GAL3ST1: variants seen among roughly 807,000 people sequenced by gnomAD.
The protein encoded by GAL3ST1 is galactose-3-O-sulfotransferase 1, also known as galactosylceramide sulfotransferase.
GAL3ST1 carries 13 observed loss-of-function variants against 25.0 expected under a neutral mutation model. That is an observed-to-expected ratio of 0.52 (90% CI 0.34 to 0.83). The LOEUF (loss-of-function observed/expected upper bound fraction) is 0.83. Among genes scored for constraint, GAL3ST1 ranks in the 40% least tolerant of loss-of-function variants. GAL3ST1 has a pLI of 0.02. For synonymous variants in GAL3ST1, 274 were observed against 277.8 expected, an observed-to-expected ratio of 0.99 and a Z score of 0.14; for missense variants, 474 against 613.6, an observed-to-expected ratio of 0.77 and a Z score of 2.40.
chr22:30,555,568 G>C lies in GAL3ST1; in HGVS notation c.657C>G (p.Phe219Leu). 1 of 1,613,646 alleles carries C rather than the reference G, an allele frequency of 6.2e-7. No homozygotes were observed. The highest frequency in any genetic ancestry group is 1.3e-5 in the African/African-American group (1 of 75,078). Residue 219 changes from phenylalanine to leucine, a missense_variant, in exon 4 of 4, where the codon TTC becomes TTG. This residue lies in a region of GAL3ST1 where 359 missense variants were observed against 504.4 expected (regional missense o/e 0.71). Coordinates refer to ENST00000406361, the MANE Select transcript of GAL3ST1 (RefSeq NM_001318104.2). This position sits in a 1 kb window ranked among gnomAD's most constrained non-coding sequence, Gnocchi z 8.6. ...FNAHYLRNLL[F>L]FDLGYDNSLD... ...GGCTGTTGTCATAGCCCAGGTCGAA[G>C]AAGAGCAGGTTTCGGAGGTAGTGGG...
At chr22:30,565,466 T>C (rs1222556363) in intron 1 of GAL3ST1, among the ~76,000 whole-genome samples, 4 of 151,908 alleles carry the variant, frequency 2.6e-5, no homozygotes, top group African/African-American at 9.7e-5. Flanking sequence ...GGGACCAAGG[T>C]TTATCTAAAA....
chr22:30,559,003 CA>C (rs2086211391), intron 1 of GAL3ST1, among the ~76,000 whole-genome samples: 1 of 151,862 alleles, frequency 6.6e-6, no homozygotes, highest in African/African-American at 2.4e-5. Context: ...ACTGAAAATA[CA>C]AAAACTAGCT....
intron 1 of GAL3ST1, among the ~76,000 whole-genome samples, chr22:30,569,756 G>T (rs2086727206): frequency 6.6e-6 from 1 of 152,160 alleles, no homozygotes; most frequent in Non-Finnish European, 1.5e-5. Flanking sequence ...GGGCAGCTAG[G>T]GCTGTATCAG....
chr22:30,555,571 G>C lies in GAL3ST1; in HGVS notation c.654C>G (p.Leu218=), dbSNP rs2085958728. The change falls in exon 4 of 4, where the codon CTC becomes CTG. Residue 218 remains leucine, a synonymous_variant. Transcript: ENST00000406361. The surrounding 1 kb of genome is among the most constrained non-coding windows in gnomAD (Gnocchi z 8.6). The stretch of plus-strand genomic sequence containing the variant: ...TGTTGTCATAGCCCAGGTCGAAGAA[G>C]AGCAGGTTTCGGAGGTAGTGGGCAT... The part of the protein sequence containing the change: ...GFNAHYLRNL[L]FFDLGYDNSL... 3.1e-6 allele frequency: 5 copies of C among 1,613,616 alleles called. No homozygotes were observed. Among genetic ancestry groups the C allele is most frequent in the African/African-American group, 1.3e-5 (1 of 75,064 alleles).
intron 1 of GAL3ST1, among the ~76,000 whole-genome samples, chr22:30,563,527 T>G (rs42930): frequency 0.9 from 136,686 of 152,128 alleles, 61,634 homozygotes; most frequent in African/African-American, 0.98. Flanking sequence ...GAGGCGGAAG[T>G]ATCACCTGAA....
At chr22:30,560,537 A>T (rs1241716329) in intron 1 of GAL3ST1, 1 of 152,374 alleles carries the variant, frequency 6.6e-6, no homozygotes, top group East Asian at 1.9e-4. Context: ...ACAAAGCACA[A>T]ACCTGCCTCA....
At chr22:30,563,356 C>T (rs1326426228) in intron 1 of GAL3ST1, 1 of 152,164 alleles carries the variant, frequency 6.6e-6, no homozygotes, top group Non-Finnish European at 1.5e-5. Context: ...TGGCTCATGC[C>T]TGTAATTCCA....
At chr22:30,570,979 C>T (rs1289763326) in intron 1 of GAL3ST1, among the ~76,000 whole-genome samples, 1 of 69,976 alleles carries the variant, frequency 1.4e-5, no homozygotes, top group Non-Finnish European at 3.6e-5. Context: ...TGTGATGATA[C>T]ACACACACAC....
chr22:30,560,231 C>CA (rs1164538194), intron 1 of GAL3ST1: 1 of 152,156 alleles, frequency 6.6e-6, no homozygotes, highest in African/African-American at 2.4e-5. Flanking sequence ...AGAAAGCTTG[C>CA]AAAGCGGAAT....
At chr22:30,570,381 A>G (rs1225629975) in intron 1 of GAL3ST1, among the ~76,000 whole-genome samples, 1 of 152,202 alleles carries the variant, frequency 6.6e-6, no homozygotes, top group Non-Finnish European at 1.5e-5. Context: ...CTCAAAGATA[A>G]TCTAACAATC....
intron 2 of GAL3ST1, 98 bp from the exon 3 acceptor site, chr22:30,557,499 G>T: frequency 7.4e-7 from 1 of 1,349,120 alleles, no homozygotes; most frequent in Non-Finnish European, 1.0e-6. Context: ...GCCTTTGCCT[G>T]CTCTGTGGCC....
chr22:30,565,783 G>A (rs757221468), intron 1 of GAL3ST1, among the ~76,000 whole-genome samples: 9 of 152,120 alleles, frequency 5.9e-5, no homozygotes, highest in Non-Finnish European at 1.2e-4. Flanking sequence ...TCAGGCACTT[G>A]AATCTTAGGT....
chr22:30,555,217 A>T lies in GAL3ST1; in HGVS notation c.1008T>A (p.His336Gln). 1 of 1,598,962 alleles carries T rather than the reference A, an allele frequency of 6.3e-7. No individual in the cohort carries two copies. Among genetic ancestry groups the T allele is most frequent in the South Asian group, 1.1e-5 (1 of 90,724 alleles). Residue 336 changes from histidine (H) to glutamine (Q), a missense_variant, in exon 4 of 4, where the codon CAT (histidine) becomes CAA (glutamine). Physicochemically the swap from His to Gln is conservative, Grantham distance 24. Around this residue, in one of 2 missense-constraint regions of GAL3ST1, gnomAD observed 359 missense variants for 504.4 expected, o/e 0.71. Transcript: ENST00000406361. The surrounding 1 kb of genome is among the most constrained non-coding windows in gnomAD (Gnocchi z 8.6). ...AGATGGTCCGCATGCGCTCGTTGGCATGGCGCAGGGCGGCCACCTCGCGGG... is the reference window on the plus strand; with the variant it reads ...AGATGGTCCGCATGCGCTCGTTGGCTTGGCGCAGGGCGGCCACCTCGCGGG... ...RMAREVAALR[H>Q]ANERMRTICI...
Position 30,558,268 on chromosome 22 carries a change from G to A in GAL3ST1, c.-10+11C>T, listed in dbSNP as rs540708734. On this transcript the variant is annotated intron_variant, in intron 2 of 3. Transcript: ENST00000406361. ...AATTTAAAAAAATTCACCAGGCGTG[G>A]TGGCACATGCCTGTAGTCCTAGTTA... is the stretch of plus-strand genomic sequence containing the variant. 7.2e-5 allele frequency: 11 copies of A among 152,204 alleles called. No homozygotes were observed. The South Asian group carries it at 1.2e-3, about 17-fold the overall frequency. The allele number at this position is 152,204 out of a possible 1,614,324, so 9.4% of individuals were successfully genotyped here.
In GAL3ST1 at chr22:30,554,862, G is replaced by A; in HGVS notation, c.*91C>T. ...ACCCCGGGGTCTGAGGTGGCACCAG[G>A]AGGGGGCTGGGGGCGGCCAGCACCA... On this transcript the variant is annotated 3_prime_UTR_variant, in exon 4 of 4. Transcript: ENST00000406361. 9.4e-7 allele frequency: 1 copy of A among 1,063,558 alleles called. No individual in the cohort carries two copies. Among genetic ancestry groups the A allele is most frequent in the Non-Finnish European group, 1.3e-6 (1 of 762,122 alleles). 65.9% of individuals were successfully genotyped at this position (1,063,558 alleles called of 1,614,324 possible). A position where few individuals can be genotyped will look rare whatever the true frequency, so the allele number is the denominator to read the frequency against.
rs1175278501 is a variant in GAL3ST1 at position 30,574,606 on chromosome 22, T to TGCCGC, written c.-265_-261dup. The TGCCGC allele has an allele frequency of 1.2e-3, 165 of 134,618 alleles. No homozygotes were observed. The highest frequency in any genetic ancestry group is 3.5e-3 in the South Asian group (18 of 5,104). 8.3% of individuals were successfully genotyped at this position (134,618 alleles called of 1,614,324 possible). A position where few individuals can be genotyped will look rare whatever the true frequency, so the allele number is the denominator to read the frequency against. On this transcript the variant is annotated 5_prime_UTR_variant, in exon 1 of 4. Coordinates refer to ENST00000406361, the MANE Select transcript of GAL3ST1 (RefSeq NM_001318104.2). ...TCCATGCCCCCGCCCCCGCCGCCGC[T>TGCCGC]GCCGCGCCGCGCCCGCTCCCGCGCC... is the stretch of plus-strand genomic sequence containing the variant.
Position 30,555,090 on chromosome 22 carries a change from T to C in GAL3ST1, c.1135A>G (p.Lys379Glu), listed in dbSNP as rs1342587027. 1.2e-6 allele frequency: 2 copies of C among 1,612,506 alleles called. No homozygotes were observed. The highest frequency in any genetic ancestry group is 3.3e-5 in the Admixed American group (2 of 60,006). The change falls in exon 4 of 4, where the codon AAG (lysine) becomes GAG (glutamate). Residue 379 changes from lysine to glutamate, a missense_variant. This residue lies in a region of GAL3ST1 where 359 missense variants were observed against 504.4 expected (regional missense o/e 0.71). Coordinates refer to ENST00000406361, the MANE Select transcript of GAL3ST1 (RefSeq NM_001318104.2). This position sits in a 1 kb window ranked among gnomAD's most constrained non-coding sequence, Gnocchi z 8.6. ...GCGTGCCGCTGCCCGATGCTCTTCT[T>C]GAGGTTGTAGCCCAGGATGGACTTG... ...GTKSILGYNL[K>E]KSIGQRHAQL...
rs1372848132 is a variant in GAL3ST1, at chr22:30,555,207, G to A, written c.1018C>T (p.Arg340Cys). The A allele has an allele frequency of 2.1e-5, 33 of 1,599,218 alleles. No homozygotes were observed. Among genetic ancestry groups the A allele is most frequent in the Non-Finnish European group, 2.6e-5 (30 of 1,175,666 alleles). The change falls in exon 4 of 4, where the codon CGC becomes TGC. Residue 340 changes from arginine (R) to cysteine (C), a missense_variant. This residue lies in a region of GAL3ST1 where 359 missense variants were observed against 504.4 expected (regional missense o/e 0.71). Coordinates refer to ENST00000406361, the MANE Select transcript of GAL3ST1 (RefSeq NM_001318104.2). This position sits in a 1 kb window ranked among gnomAD's most constrained non-coding sequence, Gnocchi z 8.6. ...EVAALRHANE[R>C]MRTICIDGGH... ...CCGTCGATGCAGATGGTCCGCATGC[G>A]CTCGTTGGCATGGCGCAGGGCGGCC...
At chr22:30,565,943 TTAA>T (rs781516192) in intron 1 of GAL3ST1, among the ~76,000 whole-genome samples, 6 of 152,150 alleles carry the variant, frequency 3.9e-5, no homozygotes, top group African/African-American at 7.2e-5. Context: ...CCACCATCAA[TTAA>T]TAATGATCAT....
Sources: gnomAD v4.1 joint callset for allele counts (sites outside exome capture counted in the v4.1 genomes callset) on GRCh38, gnomAD v4.1.1 for gene constraint, gnomAD v4.1.1 regional missense constraint, Gnocchi (gnomAD v3.1) non-coding constraint, MANE v1.5 for transcripts, NCBI Gene and HGNC (gene_info 2026-07-23, HGNC 2026-07-21) for gene names.